Variants in CSF2RA observed in about 807,000 individuals in gnomAD.
CSF2RA encodes granulocyte-macrophage colony-stimulating factor receptor subunit alpha.
In CSF2RA, 42 loss-of-function variants were observed where a neutral mutation model predicts 51.6. The ratio of observed to expected loss-of-function variants is 0.81; its 90% CI spans 0.64 to 1.05. The LOEUF (loss-of-function observed/expected upper bound fraction) is 1.05. Ranked by LOEUF, CSF2RA falls within the 50% of genes least tolerant of loss-of-function variation. CSF2RA has a pLI of 0.00. For missense variants in CSF2RA, 530 were observed against 501.1 expected (o/e 1.06, Z -0.55); for synonymous variants, 222 against 193.0 (o/e 1.15, Z -1.24).
At chrX:1,319,049 A>G in the CSF2RA span, among the ~76,000 whole-genome samples, 8 of 135,910 alleles carry the variant, frequency 5.9e-5, no homozygotes, top group South Asian at 5.3e-4. Context: ...AGGCTGGAGT[A>G]CAGTGGCATG....
intron 2 of CSF2RA, among the ~76,000 whole-genome samples, chrX:1,277,716 C>T (rs1472397993): frequency 1.3e-5 from 2 of 151,018 alleles, no homozygotes; most frequent in South Asian, 2.1e-4. Flanking sequence ...GTGGCTCATG[C>T]CTGTAATCCC....
At chrX:1,314,811 C>T (rs376810563), downstream of CSF2RA, among the ~76,000 whole-genome samples, 2 of 87,550 alleles carry the variant, frequency 2.3e-5, no homozygotes, top group Admixed American at 1.2e-4. Flanking sequence ...ACCTGCCCAA[C>T]CCCACTGTGC....
intron 1 of CSF2RA, among the ~76,000 whole-genome samples, chrX:1,274,385 C>G (rs1292912664): frequency 6.6e-6 from 1 of 151,302 alleles, no homozygotes; most frequent in Non-Finnish European, 1.5e-5. Flanking sequence ...ATGGTGCAAT[C>G]TCAGCTCACT....
At chrX:1,276,062 G>T (rs2089152413) in intron 2 of CSF2RA, among the ~76,000 whole-genome samples, 1 of 150,964 alleles carries the variant, frequency 6.6e-6, no homozygotes, top group Non-Finnish European at 1.5e-5. Context: ...GTGCAGTGGA[G>T]CGATCTCAGC....
the CSF2RA span, among the ~76,000 whole-genome samples, chrX:1,320,047 C>T: frequency 6.6e-6 from 1 of 151,984 alleles, no homozygotes; most frequent in Non-Finnish European, 1.5e-5. Context: ...AGGTGCCCGC[C>T]ACCACGCCTG....
chrX:1,311,249 C>CA (rs752805587), downstream of CSF2RA, among the ~76,000 whole-genome samples: 57 of 140,990 alleles, frequency 4.0e-4, no homozygotes, highest in Middle Eastern at 3.6e-3. Context: ...ATTCTGTCTC[C>CA]AAAAAAAAAA....
Position 1,300,486 on chromosome X carries a change from C to T in CSF2RA, c.811-5C>T, listed in dbSNP as rs759723280. 1.4e-5 allele frequency: 23 copies of T among 1,613,778 alleles called. No homozygotes were observed. Among genetic ancestry groups the T allele is most frequent in the Non-Finnish European group, 1.9e-5 (23 of 1,179,800 alleles). On this transcript the variant is annotated splice_polypyrimidine_tract_variant and splice_region_variant and intron_variant, in intron 9 of 12. Coordinates refer to ENST00000381529, the MANE Select transcript of CSF2RA (RefSeq NM_172245.4). The stretch of plus-strand genomic sequence containing the variant: ...CTATCTCTAACTTTCTTTTTTCCTC[C>T]AAAGATTAATGTTTCTGGTGATTTG...
In CSF2RA at chrX:1,303,948, T is replaced by C; in HGVS notation, c.972T>C (p.Ser324=). The change falls in exon 11 of 13, where the codon TCT becomes TCC. Residue 324 remains serine (S), a synonymous_variant. Transcript: ENST00000381529. ...GTTCTGACGACGGGAACCTCGGCTCTGTGTACATTTATGTGCTCCTAATCG... is the reference window on the plus strand; with the variant it reads ...GTTCTGACGACGGGAACCTCGGCTCCGTGTACATTTATGTGCTCCTAATCG... ...EFGSDDGNLG[S]VYIYVLLIVG... The C allele has an allele frequency of 6.2e-7, 1 of 1,613,624 alleles. No individual in the cohort carries two copies. Among genetic ancestry groups the C allele is most frequent in the Admixed American group, 1.7e-5 (1 of 59,962 alleles).
intron 10 of CSF2RA, 93 bp downstream of exon 10, chrX:1,300,719 A>G: frequency 6.5e-7 from 1 of 1,550,192 alleles, no homozygotes; most frequent in Non-Finnish European, 8.9e-7. Context: ...GGGCGCTGAG[A>G]TCGAGTTGAG....
At chrX:1,304,654 GTTT>G (rs749898449) in intron 11 of CSF2RA, among the ~76,000 whole-genome samples, 3,595 of 66,182 alleles carry the variant, frequency 0.054, 136 homozygotes, top group African/African-American at 0.17. Flanking sequence ...GTTTTTTTTT[GTTT>G]GTTTGTTTTT....
chrX:1,314,212 A>G (rs1408608832), downstream of CSF2RA, among the ~76,000 whole-genome samples: 20 of 93,376 alleles, frequency 2.1e-4, no homozygotes, highest in African/African-American at 7.2e-4. Context: ...ACCGCACTGC[A>G]CCTGCCCAAC....
At chrX:1,291,669 A>G (rs774834608) in intron 7 of CSF2RA, among the ~76,000 whole-genome samples, 2 of 152,066 alleles carry the variant, frequency 1.3e-5, no homozygotes, top group African/African-American at 4.8e-5. Flanking sequence ...CCACCCTGGA[A>G]CCCCTGCCCC....
At chrX:1,309,379 G>T in intron 12 of CSF2RA, 23 bp from the exon 13 acceptor site, 1 of 1,612,768 alleles carries the variant, frequency 6.2e-7, no homozygotes, top group African/African-American at 1.3e-5. Context: ...AGATCTGACA[G>T]CCTGAACCCT....
chrX:1,272,769 G>T (rs760237665), intron 1 of CSF2RA, among the ~76,000 whole-genome samples: 5 of 148,800 alleles, frequency 3.4e-5, no homozygotes, highest in Non-Finnish European at 7.4e-5. Flanking sequence ...GGGATTATAC[G>T]CATGAGCCAC....
intron 6 of CSF2RA, among the ~76,000 whole-genome samples, chrX:1,289,723 T>G (rs2091165883): frequency 6.6e-6 from 1 of 151,680 alleles, no homozygotes. Flanking sequence ...TGTTTTGGTG[T>G]TTTTGTTTTG....
At chrX:1,317,009 C>T in the CSF2RA span, among the ~76,000 whole-genome samples, 3 of 151,868 alleles carry the variant, frequency 2.0e-5, no homozygotes, top group Non-Finnish European at 2.9e-5. Context: ...TGCAGTGGCG[C>T]GATCTCGGCT....
chrX:1,281,112 T>TCTC (rs771038360), intron 2 of CSF2RA, among the ~76,000 whole-genome samples: 398 of 25,066 alleles, frequency 0.016, 46 homozygotes, highest in African/African-American at 0.079. Context: ...TCCTCCTCCT[T>TCTC]CTCCTCCTCC....
At chrX:1,288,945 C>G in intron 6 of CSF2RA, 57 bp downstream of exon 6, 1 of 1,605,386 alleles carries the variant, frequency 6.2e-7, no homozygotes, top group Non-Finnish European at 8.5e-7. Flanking sequence ...GAGAAAAAAT[C>G]ATGCTGGTTT....
At chrX:1,275,293 A>G (rs2089033462) in intron 2 of CSF2RA, among the ~76,000 whole-genome samples, 1 of 151,832 alleles carries the variant, frequency 6.6e-6, no homozygotes, top group Admixed American at 6.6e-5. Flanking sequence ...CCGGAGGCCG[A>G]GGCAGGAGAA....
Sources: allele counts gnomAD v4.1 joint callset (sites outside exome capture counted in the v4.1 genomes callset), GRCh38; gene constraint gnomAD v4.1.1; transcripts MANE v1.5; gene names NCBI Gene and HGNC (gene_info 2026-07-23, HGNC 2026-07-21).